Variants in WDR27 observed in about 807,000 individuals in gnomAD.
WDR27 encodes WD repeat-containing protein 27.
In WDR27, 100 loss-of-function variants were observed where a neutral mutation model predicts 114.4. The ratio of observed to expected loss-of-function variants is 0.87; its 90% confidence interval spans 0.74 to 1.03. The LOEUF is 1.03. Ranked by LOEUF, WDR27 falls within the 50% of genes least tolerant of loss-of-function variation. The pLI, the probability that WDR27 is intolerant of heterozygous loss-of-function variation, is 0.00. For synonymous variants in WDR27, 449 were observed against 423.1 expected (o/e 1.06, Z -0.75); for missense variants, 1,129 against 1,092.9 (o/e 1.03, Z -0.47).
At chr6:169,508,700 T>G (rs1792342844) in intron 25 of WDR27, among the ~76,000 whole-genome samples, 1 of 151,982 alleles carries the variant, frequency 6.6e-6, no homozygotes, top group South Asian at 2.1e-4. Flanking sequence ...TCAAGAAATA[T>G]GAGGAGAAAA....
At chr6:169,505,547 C>G (rs1261322614) in intron 25 of WDR27, among the ~76,000 whole-genome samples, 1 of 55,200 alleles carries the variant, frequency 1.8e-5, no homozygotes, top group Non-Finnish European at 9.9e-5. Context: ...AATGGAGAAC[C>G]AAGCCCAAGC....
intron 25 of WDR27, among the ~76,000 whole-genome samples, chr6:169,544,571 T>A (rs1797224095): frequency 6.6e-6 from 1 of 152,132 alleles, no homozygotes; most frequent in African/African-American, 2.4e-5. Flanking sequence ...TCCAAGTAGC[T>A]GGGACCACAG....
the WDR27 span, among the ~76,000 whole-genome samples, chr6:169,440,876 A>T: frequency 1.1e-4 from 17 of 152,144 alleles, no homozygotes; most frequent in Non-Finnish European, 2.2e-4. Flanking sequence ...AAGTCTTCCC[A>T]CTTCCTCTAT....
chr6:169,651,285 G>A (rs939046537), intron 14 of WDR27, among the ~76,000 whole-genome samples: 6 of 151,786 alleles, frequency 4.0e-5, no homozygotes, highest in Non-Finnish European at 5.9e-5. Flanking sequence ...GTGCGCTGCG[G>A]TCAGGGACTC....
At chr6:169,599,089 T>A (rs921210826) in intron 23 of WDR27, among the ~76,000 whole-genome samples, 1 of 152,130 alleles carries the variant, frequency 6.6e-6, no homozygotes, top group Non-Finnish European at 1.5e-5. Flanking sequence ...CTGCACCCAT[T>A]AACTCGTCAT....
intron 25 of WDR27, among the ~76,000 whole-genome samples, chr6:169,517,142 T>C (rs1793776538): frequency 6.6e-6 from 1 of 152,134 alleles, no homozygotes; most frequent in African/African-American, 2.4e-5. Context: ...GTGAGTGCTC[T>C]TGAGATCTGG....
intron 25 of WDR27, among the ~76,000 whole-genome samples, chr6:169,528,295 C>T (rs1422777379): frequency 6.6e-6 from 1 of 152,036 alleles, no homozygotes; most frequent in Non-Finnish European, 1.5e-5. Context: ...GTTACTTAAA[C>T]AGTGGATAAA....
intron 13 of WDR27, among the ~76,000 whole-genome samples, chr6:169,654,859 G>A (rs1823673398): frequency 6.6e-6 from 1 of 152,226 alleles, no homozygotes; most frequent in South Asian, 2.1e-4. Context: ...GAGGAGCCCC[G>A]TTCAGAAGGA....
chr6:169,647,163 T>C (rs1029232193), intron 16 of WDR27, among the ~76,000 whole-genome samples: 1 of 152,162 alleles, frequency 6.6e-6, no homozygotes, highest in African/African-American at 2.4e-5. Context: ...GCTCCTCCCT[T>C]CTTTCAAGCA....
chr6:169,651,954 G>A lies in WDR27; in HGVS notation c.1457C>T (p.Ser486Leu). Residue 486 changes from serine (S) to leucine (L), a missense_variant, in exon 14 of 26, where the codon TCA (serine) becomes TTA (leucine). Transcript: ENST00000448612. ...CTGTGGTGCTGACGCATAACCAGATGACCTAACTTTACTATGGAAAACCAG... is the reference window on the plus strand; with the variant it reads ...CTGTGGTGCTGACGCATAACCAGATAACCTAACTTTACTATGGAAAACCAG... ...QRLVFHSKVR[S>L]SGYASAPHVT... 6.2e-7 allele frequency: 1 copy of A among 1,613,806 alleles called. No individual in the cohort carries two copies. Among genetic ancestry groups the A allele is most frequent in the Non-Finnish European group, 8.5e-7 (1 of 1,179,846 alleles).
In WDR27 at chr6:169,583,504, TGTATATATACACACAC is replaced by T. The variant is rs535888034; in HGVS notation, c.2425-586_2425-571del. 5.2e-4 allele frequency among the ~76,000 whole-genome samples: 13 copies of T among 25,066 alleles called. 1 individual carries two copies. The highest frequency in any genetic ancestry group is 3.4e-3 in the Admixed American group (13 of 3,876). The allele number at this position is 25,066 out of a possible 152,430, so 16.4% of individuals were successfully genotyped here. A position where few individuals can be genotyped will look rare whatever the true frequency, so the allele number is the denominator to read the frequency against. ...GTATATATACATATATATATATATA[TGTATATATACACACAC>T]ACACACACACACACACACACATAAA... On this transcript the variant is annotated intron_variant, in intron 23 of 25. Coordinates refer to ENST00000448612, the MANE Select transcript of WDR27 (RefSeq NM_182552.5).
intron 24 of WDR27, among the ~76,000 whole-genome samples, chr6:169,573,727 C>T (rs1562607982): frequency 6.6e-6 from 1 of 152,106 alleles, no homozygotes; most frequent in African/African-American, 2.4e-5. Flanking sequence ...TCTGTGTATC[C>T]GCGTGTGAAG....
At chr6:169,583,533 A>T (rs1803970566) in intron 23 of WDR27, among the ~76,000 whole-genome samples, 1 of 147,644 alleles carries the variant, frequency 6.8e-6, no homozygotes, top group Non-Finnish European at 1.5e-5. Flanking sequence ...ACACACACAC[A>T]CACACACATA....
At chr6:169,602,133 T>C (rs1808109088) in intron 23 of WDR27, 86 bp downstream of exon 23, 2 of 982,500 alleles carry the variant, frequency 2.0e-6, no homozygotes, top group Admixed American at 5.2e-5. Context: ...AGTAGGTTTC[T>C]ATCCTAATAT....
At chr6:169,491,921 A>G (rs1253309691) in intron 25 of WDR27, among the ~76,000 whole-genome samples, 1 of 152,190 alleles carries the variant, frequency 6.6e-6, no homozygotes, top group Non-Finnish European at 1.5e-5. Context: ...TAAGCTGAGA[A>G]AGAGAAAAAA....
At chr6:169,687,310 C>T (rs149737403) in intron 2 of WDR27, among the ~76,000 whole-genome samples, 406 of 151,908 alleles carry the variant, frequency 2.7e-3, no homozygotes, top group African/African-American at 9.1e-3. Context: ...ATTCTATTTA[C>T]ATAAAACTCT....
rs1321211043 is a variant in WDR27 at position 169,628,841 on chromosome 6, T to A, written c.2223+4106A>T. Among the ~76,000 whole-genome samples the A allele has an allele frequency of 3.3e-5, 5 of 152,348 alleles. No homozygotes were observed. In the East Asian group the frequency reaches 9.7e-4, roughly 29 times the overall value. ...AGGTGGAGAAATTCTTGTGCATTTA[T>A]CCCTAAAACTCACAGGAACAAAAGA... On this transcript the variant is annotated intron_variant, in intron 21 of 25. Coordinates refer to ENST00000448612, the MANE Select transcript of WDR27 (RefSeq NM_182552.5).
chr6:169,535,825 T>C (rs780939543), intron 25 of WDR27, among the ~76,000 whole-genome samples: 3 of 152,208 alleles, frequency 2.0e-5, no homozygotes, highest in Non-Finnish European at 2.9e-5. Context: ...GTACACACTG[T>C]AAATGATAAA....
the WDR27 span, among the ~76,000 whole-genome samples, chr6:169,432,319 A>C: frequency 2.0e-5 from 3 of 152,216 alleles, no homozygotes; most frequent in Non-Finnish European, 4.4e-5. Context: ...ACAGTTAACT[A>C]TGCTTTGTCC....
Sources: gnomAD v4.1 joint callset for allele counts (sites outside exome capture counted in the v4.1 genomes callset) on GRCh38, gnomAD v4.1.1 for gene constraint, MANE v1.5 for transcripts, NCBI Gene and HGNC (gene_info 2026-07-23, HGNC 2026-07-21) for gene names.